The following ADAMTS16 variants were observed in gnomAD, a reference collection of about 807,000 sequenced individuals.
ADAMTS16 encodes the protein A disintegrin and metalloproteinase with thrombospondin motifs 16.
A neutral mutation model predicts 145.8 loss-of-function variants in ADAMTS16; 94 were observed. The ratio of observed to expected loss-of-function variants is 0.64; its 90% CI spans 0.55 to 0.77. ADAMTS16 has a LOEUF of 0.77. Ranked by LOEUF, ADAMTS16 falls within the 30% of genes least tolerant of loss-of-function variation. The pLI is 0.00. For synonymous variants in ADAMTS16, 659 were observed against 604.3 expected (o/e 1.09, Z -1.33); for missense variants, 1,585 against 1,591.5 (o/e 1.00, Z 0.07).
intron 4 of ADAMTS16, among the ~76,000 whole-genome samples, chr5:5,183,091 C>T (rs959933448): frequency 6.6e-6 from 1 of 152,186 alleles, no homozygotes; most frequent in African/African-American, 2.4e-5. Flanking sequence ...TCTCTTGGCA[C>T]CTACAACAAC....
intron 4 of ADAMTS16, among the ~76,000 whole-genome samples, chr5:5,185,082 C>T (rs1454528968): frequency 6.6e-6 from 1 of 152,164 alleles, no homozygotes; most frequent in African/African-American, 2.4e-5. Flanking sequence ...TAGGGTGGAG[C>T]TCACACCTGC....
At chr5:5,205,448 T>C (rs573462399) in intron 9 of ADAMTS16, among the ~76,000 whole-genome samples, 1 of 152,362 alleles carries the variant, frequency 6.6e-6, no homozygotes, top group African/African-American at 2.4e-5. Flanking sequence ...AAAGTCAACA[T>C]TCATTTTATC....
intron 8 of ADAMTS16, among the ~76,000 whole-genome samples, chr5:5,199,370 C>T (rs1479490181): frequency 6.6e-6 from 1 of 152,134 alleles, no homozygotes; most frequent in Non-Finnish European, 1.5e-5. Flanking sequence ...TACTCTGAGC[C>T]AGGTGTGGAT....
chr5:5,146,037 G>T (rs1299305436), intron 2 of ADAMTS16, 93 bp from the exon 3 acceptor site: 3 of 1,109,786 alleles, frequency 2.7e-6, no homozygotes, highest in African/African-American at 1.6e-5. Flanking sequence ...GGGTGGAAAG[G>T]TCATGTGGTA....
chr5:5,259,459 C>A (rs1737921343), intron 17 of ADAMTS16, among the ~76,000 whole-genome samples: 2 of 152,198 alleles, frequency 1.3e-5, no homozygotes, highest in Non-Finnish European at 2.9e-5. Context: ...GTTTATTTTG[C>A]CAAGGTTAAG....
intron 18 of ADAMTS16, among the ~76,000 whole-genome samples, chr5:5,294,618 C>T (rs572668014): frequency 6.6e-6 from 1 of 152,300 alleles, no homozygotes; most frequent in Admixed American, 6.5e-5. Context: ...GAATAATGCT[C>T]AGCTAAATAT....
At chr5:5,174,150 C>G (rs953178778) in intron 3 of ADAMTS16, among the ~76,000 whole-genome samples, 2 of 152,076 alleles carry the variant, frequency 1.3e-5, no homozygotes, top group African/African-American at 4.8e-5. Flanking sequence ...TGATTAAATC[C>G]CTCAGCTTTT....
chr5:5,205,149 T>C (rs1736062716), intron 9 of ADAMTS16, among the ~76,000 whole-genome samples: 1 of 152,306 alleles, frequency 6.6e-6, no homozygotes, highest in Non-Finnish European at 1.5e-5. Context: ...ATAAACATTT[T>C]GTCCCATTCT....
At chr5:5,149,705 T>C (rs536820527) in intron 3 of ADAMTS16, among the ~76,000 whole-genome samples, 1 of 152,150 alleles carries the variant, frequency 6.6e-6, no homozygotes. Flanking sequence ...AAATAAACCC[T>C]TATGGGCAGT....
intron 18 of ADAMTS16, among the ~76,000 whole-genome samples, chr5:5,265,560 G>A (rs1738208991): frequency 6.6e-6 from 1 of 152,224 alleles, no homozygotes; most frequent in African/African-American, 2.4e-5. Flanking sequence ...TCTCAGACAG[G>A]CACTTTAAGA....
chr5:5,252,625 A>T (rs1469829134), intron 17 of ADAMTS16, among the ~76,000 whole-genome samples: 1 of 152,184 alleles, frequency 6.6e-6, no homozygotes, highest in African/African-American at 2.4e-5. Context: ...ATTTCTGTTA[A>T]CAGAATCCCA....
At chr5:5,197,164 C>G (rs576212451) in intron 8 of ADAMTS16, among the ~76,000 whole-genome samples, 41 of 152,342 alleles carry the variant, frequency 2.7e-4, no homozygotes, top group African/African-American at 9.9e-4. Context: ...AAGAATGTCT[C>G]ATGTCCTTAA....
intron 11 of ADAMTS16, among the ~76,000 whole-genome samples, chr5:5,226,205 T>C (rs1736761970): frequency 6.6e-6 from 1 of 152,190 alleles, no homozygotes. Context: ...CTGACAAAGA[T>C]ATACCTGAGG....
chr5:5,184,442 G>A (rs561885019), intron 4 of ADAMTS16, among the ~76,000 whole-genome samples: 35 of 152,096 alleles, frequency 2.3e-4, no homozygotes, highest in Admixed American at 2.0e-3. Context: ...TGTTGTCCCT[G>A]AGGCTTTTGG....
chr5:5,306,845 G>A (rs1740186595), intron 21 of ADAMTS16, 117 bp downstream of exon 21: 2 of 1,056,976 alleles, frequency 1.9e-6, no homozygotes, highest in Non-Finnish European at 1.3e-6. Flanking sequence ...CCAAGCTACT[G>A]CATGAGGTTT....
intron 9 of ADAMTS16, among the ~76,000 whole-genome samples, chr5:5,205,093 G>GTTT (rs151287559): frequency 9.9e-5 from 15 of 151,284 alleles, no homozygotes; most frequent in African/African-American, 3.6e-4. Context: ...AATAGACCCT[G>GTTT]TTTTTTTTCT....
intron 18 of ADAMTS16, among the ~76,000 whole-genome samples, chr5:5,273,692 G>T (rs1272413388): frequency 6.6e-6 from 1 of 152,214 alleles, no homozygotes; most frequent in African/African-American, 2.4e-5. Context: ...TGGGGAAAAT[G>T]TGACTTTGCA....
In ADAMTS16 at chr5:5,239,696, T is replaced by A. The variant is rs577312914; in HGVS notation, c.2294T>A (p.Val765Asp). The A allele has an allele frequency of 2.5e-6, 4 of 1,614,136 alleles. No homozygotes were observed. In the African/African-American group the frequency reaches 5.3e-5, roughly 22 times the overall value. The change falls in exon 16 of 23, where the codon GTC becomes GAC. Residue 765 changes from valine to aspartate, a missense_variant. Physicochemically the swap from Val to Asp is radical, Grantham distance 152. Transcript: ENST00000274181. Reference sequence around the variant, plus strand: ...CTTTATCTAGAGTATTATCACATGGTCACCATTCCTTCTGGAGCCCGGAGT... The same window carrying A: ...CTTTATCTAGAGTATTATCACATGGACACCATTCCTTCTGGAGCCCGGAGT... ...HHHTNQYYHM[V>D]TIPSGARSIR... is the part of the protein sequence containing the mutation.
At chr5:5,166,772 T>C (rs539081038) in intron 3 of ADAMTS16, among the ~76,000 whole-genome samples, 206 of 152,330 alleles carry the variant, frequency 1.4e-3, no homozygotes, top group African/African-American at 4.6e-3. Context: ...GTGTTTCCAG[T>C]TGGAAAATAA....
Sources: allele counts gnomAD v4.1 joint callset (sites outside exome capture counted in the v4.1 genomes callset), GRCh38; gene constraint gnomAD v4.1.1; transcripts MANE v1.5; gene names NCBI Gene and HGNC (gene_info 2026-07-23, HGNC 2026-07-21).